Variants in MKX observed in about 807,000 individuals in gnomAD.
MKX encodes the protein homeobox protein Mohawk.
In MKX, 13 loss-of-function variants were observed where a neutral mutation model predicts 36.0. That is an observed-to-expected ratio of 0.36 (90% CI 0.24 to 0.57). The LOEUF (loss-of-function observed/expected upper bound fraction) is 0.57. MKX is among the 20% of genes least tolerant of loss of function. The pLI, the probability that MKX is intolerant of heterozygous loss-of-function variation, is 0.79. For synonymous variants in MKX, 176 were observed against 178.3 expected, an observed-to-expected ratio of 0.99 and a Z score of 0.10; for missense variants, 458 against 456.4, an observed-to-expected ratio of 1.00 and a Z score of -0.03.
intron 5 of MKX, among the ~76,000 whole-genome samples, chr10:27,702,247 C>A (rs1426116540): frequency 6.6e-6 from 1 of 152,180 alleles, no homozygotes; most frequent in Non-Finnish European, 1.5e-5. Context: ...ACTTTCCCAG[C>A]TGGATACGAG....
intron 5 of MKX, among the ~76,000 whole-genome samples, chr10:27,723,078 C>A (rs372107470): frequency 1.3e-5 from 2 of 152,068 alleles, no homozygotes; most frequent in Non-Finnish European, 2.9e-5. Flanking sequence ...AAATAGTCCT[C>A]GCACACCTTT....
chr10:27,691,254 T>C (rs1001908994), intron 5 of MKX, among the ~76,000 whole-genome samples: 28 of 152,184 alleles, frequency 1.8e-4, no homozygotes, highest in Admixed American at 7.9e-4. Flanking sequence ...CTGGATCCCA[T>C]CTCTGAGATT....
intron 5 of MKX, among the ~76,000 whole-genome samples, chr10:27,705,504 A>C (rs1836731846): frequency 6.6e-6 from 1 of 152,122 alleles, no homozygotes; most frequent in Non-Finnish European, 1.5e-5. Flanking sequence ...ACAGGTGTGC[A>C]CCACCATGCC....
intron 5 of MKX, among the ~76,000 whole-genome samples, chr10:27,720,095 A>C (rs1834343319): frequency 6.6e-6 from 1 of 152,106 alleles, no homozygotes; most frequent in African/African-American, 2.4e-5. Flanking sequence ...AACTGTTCAG[A>C]AAATGGAGGA....
chr10:27,709,959 T>C (rs1836823794), intron 5 of MKX, among the ~76,000 whole-genome samples: 1 of 152,268 alleles, frequency 6.6e-6, no homozygotes, highest in African/African-American at 2.4e-5. Flanking sequence ...AGTATCATTT[T>C]AACATGTAAT....
chr10:27,691,094 A>C (rs1442456610), intron 5 of MKX, among the ~76,000 whole-genome samples: 1 of 152,188 alleles, frequency 6.6e-6, no homozygotes, highest in Non-Finnish European at 1.5e-5. Flanking sequence ...TGAGTAAATC[A>C]AACCTCCTTT....
chr10:27,710,526 C>A (rs1210300021), intron 5 of MKX, among the ~76,000 whole-genome samples: 3 of 152,200 alleles, frequency 2.0e-5, no homozygotes, highest in African/African-American at 7.2e-5. Context: ...CCTCTGGGGG[C>A]AGCATGGGCA....
chr10:27,685,443 ATT>A (rs529959736), intron 5 of MKX, among the ~76,000 whole-genome samples: 6 of 112,836 alleles, frequency 5.3e-5, no homozygotes, highest in African/African-American at 1.4e-4. Flanking sequence ...CAGCAGAGTG[ATT>A]TTTTTTTTTT....
chr10:27,675,633 C>T, intron 5 of MKX, 79 bp from the exon 6 acceptor site: 4 of 1,360,626 alleles, frequency 2.9e-6, no homozygotes, highest in South Asian at 2.6e-5. Context: ...TCACTAATGA[C>T]CAGAAGTAAA....
At chr10:27,698,871 T>C (rs966444413) in intron 5 of MKX, among the ~76,000 whole-genome samples, 1 of 152,150 alleles carries the variant, frequency 6.6e-6, no homozygotes, top group Non-Finnish European at 1.5e-5. Context: ...GGTATGTAAA[T>C]CAATCAATCA....
intron 5 of MKX, among the ~76,000 whole-genome samples, chr10:27,684,143 G>C (rs559188927): frequency 2.4e-4 from 36 of 151,758 alleles, no homozygotes; most frequent in African/African-American, 8.2e-4. Context: ...TTGAGACTCC[G>C]TGTCTATTAA....
At chr10:27,700,974 A>T (rs1008516751) in intron 5 of MKX, among the ~76,000 whole-genome samples, 3 of 152,150 alleles carry the variant, frequency 2.0e-5, no homozygotes, top group Non-Finnish European at 4.4e-5. Flanking sequence ...GTATATACCT[A>T]TTTTATTATT....
At chr10:27,696,628 C>T (rs1836559697) in intron 5 of MKX, among the ~76,000 whole-genome samples, 1 of 151,946 alleles carries the variant, frequency 6.6e-6, no homozygotes, top group Admixed American at 6.6e-5. Context: ...GGTTAGTAGC[C>T]ATAATATGCA....
intron 5 of MKX, among the ~76,000 whole-genome samples, chr10:27,708,215 C>T (rs1003843543): frequency 1.3e-5 from 2 of 152,150 alleles, no homozygotes; most frequent in African/African-American, 4.8e-5. Flanking sequence ...CCGTAGAGAA[C>T]TCAGAGCGAC....
chr10:27,704,182 G>A (rs1056666590), intron 5 of MKX, among the ~76,000 whole-genome samples: 2 of 152,126 alleles, frequency 1.3e-5, no homozygotes, highest in African/African-American at 2.4e-5. Context: ...TTAAAACACT[G>A]TTAAAAGTGA....
chr10:27,728,293 C>G (rs547105004), intron 5 of MKX, among the ~76,000 whole-genome samples: 3 of 152,358 alleles, frequency 2.0e-5, no homozygotes, highest in Admixed American at 2.0e-4. Context: ...GGCACTCACA[C>G]AGGGCCCTTA....
At chr10:27,723,648 C>T (rs1176689347) in intron 5 of MKX, among the ~76,000 whole-genome samples, 2 of 152,198 alleles carry the variant, frequency 1.3e-5, no homozygotes, top group East Asian at 1.9e-4. Context: ...GCCCCAGTAA[C>T]ATTTAAGGAA....
chr10:27,685,443 A>ATTTTTTTTTT (rs529959736), intron 5 of MKX, among the ~76,000 whole-genome samples: 1 of 112,836 alleles, frequency 8.9e-6, no homozygotes, highest in Non-Finnish European at 1.8e-5. Context: ...CAGCAGAGTG[A>ATTTTTTTTTT]TTTTTTTTTT....
At chr10:27,697,443 TG>T (rs1836575497) in intron 5 of MKX, among the ~76,000 whole-genome samples, 1 of 152,198 alleles carries the variant, frequency 6.6e-6, no homozygotes, top group South Asian at 2.1e-4. Flanking sequence ...GTCATAAACC[TG>T]CAATTTATCT....
Sources: allele counts gnomAD v4.1 joint callset (sites outside exome capture counted in the v4.1 genomes callset), GRCh38; gene constraint gnomAD v4.1.1; transcripts MANE v1.5; gene names NCBI Gene and HGNC (gene_info 2026-07-23, HGNC 2026-07-21).